Variants in DDX10 observed in about 807,000 individuals in gnomAD.
The protein encoded by DDX10 is probable ATP-dependent RNA helicase DDX10.
DDX10 carries 74 observed loss-of-function variants against 104.3 expected under a neutral mutation model. The observed-to-expected ratio is 0.71, with a 90% CI of 0.59 to 0.86. The LOEUF (loss-of-function observed/expected upper bound fraction) is 0.86, where lower values mean the gene tolerates loss of function less well. DDX10 is among the 40% of genes least tolerant of loss of function. The pLI is 0.00. For synonymous variants in DDX10, 351 were observed against 353.4 expected (o/e 0.99, Z 0.08); for missense variants, 952 against 1,040.0 (o/e 0.92, Z 1.16).
At chr11:108,806,381 T>C (rs1312276240) in intron 13 of DDX10, among the ~76,000 whole-genome samples, 1 of 152,218 alleles carries the variant, frequency 6.6e-6, no homozygotes, top group Non-Finnish European at 1.5e-5. Flanking sequence ...GAGAGTGTGG[T>C]GTGTATGGCG....
intron 14 of DDX10, among the ~76,000 whole-genome samples, chr11:108,840,671 C>T (rs1193019838): frequency 1.3e-5 from 2 of 152,146 alleles, no homozygotes; most frequent in Middle Eastern, 3.2e-3. Context: ...TTTGAGCAAG[C>T]CTGTGAAACC....
At chr11:108,813,254 A>G (rs1180314773) in intron 13 of DDX10, among the ~76,000 whole-genome samples, 2 of 152,154 alleles carry the variant, frequency 1.3e-5, no homozygotes, top group South Asian at 2.1e-4. Context: ...ATTTCTACTC[A>G]TAATATCTGA....
chr11:108,718,154 G>A (rs1591799973), intron 11 of DDX10, among the ~76,000 whole-genome samples: 1 of 149,748 alleles, frequency 6.7e-6, no homozygotes, highest in Non-Finnish European at 1.5e-5. Flanking sequence ...ACAGAGCGAG[G>A]CTCTGTCTCA....
chr11:108,887,754 A>G (rs544034714), intron 16 of DDX10, among the ~76,000 whole-genome samples: 27 of 152,134 alleles, frequency 1.8e-4, no homozygotes, highest in African/African-American at 6.3e-4. Context: ...CTCTCTACTA[A>G]AAATACAAAA....
At chr11:108,720,706 T>G (rs1031488634) in intron 12 of DDX10, among the ~76,000 whole-genome samples, 5 of 152,214 alleles carry the variant, frequency 3.3e-5, no homozygotes, top group Admixed American at 1.3e-4. Context: ...TCCTCTCATC[T>G]CAGCCTCCTG....
chr11:108,681,954 G>GT (rs1472069953), intron 6 of DDX10, among the ~76,000 whole-genome samples: 5 of 151,566 alleles, frequency 3.3e-5, no homozygotes, highest in African/African-American at 4.8e-5. Context: ...TTTTGGTTTG[G>GT]TTTTTTTGCC....
At chr11:108,859,916 C>T (rs924874723) in intron 16 of DDX10, among the ~76,000 whole-genome samples, 2 of 152,046 alleles carry the variant, frequency 1.3e-5, no homozygotes, top group Non-Finnish European at 2.9e-5. Flanking sequence ...ATTCTTTTGA[C>T]TGTTAGTAGT....
intron 7 of DDX10, 147 bp downstream of exon 7, chr11:108,689,209 G>A (rs922815355): frequency 1.8e-5 from 14 of 792,988 alleles, no homozygotes; most frequent in South Asian, 1.5e-4. Flanking sequence ...AAAGGAATCC[G>A]TGGCTGAGAC....
At chr11:108,905,312 A>AGG (rs35966996) in intron 16 of DDX10, among the ~76,000 whole-genome samples, 1,876 of 106,238 alleles carry the variant, frequency 0.018, 27 homozygotes, top group South Asian at 0.037. Context: ...AGATTGTTTA[A>AGG]GGGGGGGGGG....
At chr11:108,838,760 G>A (rs920966003) in intron 14 of DDX10, among the ~76,000 whole-genome samples, 195 bp downstream of exon 14, 6 of 152,202 alleles carry the variant, frequency 3.9e-5, no homozygotes, top group African/African-American at 1.2e-4. Context: ...CCAATAAGCC[G>A]AGATACTTCT....
At chr11:108,686,376 G>A (rs1268010967) in intron 6 of DDX10, among the ~76,000 whole-genome samples, 3 of 152,178 alleles carry the variant, frequency 2.0e-5, no homozygotes, top group Non-Finnish European at 4.4e-5. Flanking sequence ...TGCCCTGAAA[G>A]TCCTCTGTGC....
chr11:108,937,639 C>T (rs925039441), intron 17 of DDX10, among the ~76,000 whole-genome samples: 5 of 152,170 alleles, frequency 3.3e-5, no homozygotes, highest in Non-Finnish European at 5.9e-5. Context: ...TCCCTGTCAT[C>T]ATCTGTTCCG....
intron 13 of DDX10, among the ~76,000 whole-genome samples, chr11:108,759,429 G>A (rs939128832): frequency 1.3e-5 from 2 of 151,836 alleles, no homozygotes; most frequent in South Asian, 2.1e-4. Flanking sequence ...TTGAACTTAC[G>A]CTAACCATCG....
At chr11:108,787,619 C>G (rs1253590239) in intron 13 of DDX10, among the ~76,000 whole-genome samples, 1 of 151,996 alleles carries the variant, frequency 6.6e-6, no homozygotes. Context: ...TCAGCATGCT[C>G]TATTCTGCTG....
chr11:108,874,415 T>G lies in DDX10; in HGVS notation c.2304+22206T>G, dbSNP rs984513834. ...CAGATCCCAAGGCCTTTCAAGACAC[T>G]CAGAAGCTCATAATTCTGTTGATTA... On this transcript the variant is annotated intron_variant, in intron 16 of 17. Transcript: ENST00000322536. Among the ~76,000 whole-genome samples, 100 of 152,302 alleles carry G rather than the reference T, an allele frequency of 6.6e-4. 1 individual carries two copies. Among genetic ancestry groups the G allele is most frequent in the Non-Finnish European group, 2.4e-4 (16 of 68,028 alleles).
intron 13 of DDX10, among the ~76,000 whole-genome samples, chr11:108,817,685 G>A (rs1862273707): frequency 6.6e-6 from 1 of 152,156 alleles, no homozygotes; most frequent in Non-Finnish European, 1.5e-5. Context: ...TTTATTCTTT[G>A]TAGTTCGTAT....
chr11:108,709,478 C>T (rs1040243666), intron 10 of DDX10, among the ~76,000 whole-genome samples: 1 of 152,130 alleles, frequency 6.6e-6, no homozygotes, highest in Non-Finnish European at 1.5e-5. Flanking sequence ...AGATAGTAGC[C>T]TATTGAGAGT....
intron 1 of DDX10, among the ~76,000 whole-genome samples, chr11:108,669,096 CTT>C (rs569505369): frequency 7.9e-5 from 11 of 139,110 alleles, no homozygotes; most frequent in Admixed American, 1.5e-4. Context: ...TGGAGCTAAG[CTT>C]TTTTTTTTTT....
chr11:108,928,421 C>G (rs768218404), intron 17 of DDX10, among the ~76,000 whole-genome samples: 7 of 152,054 alleles, frequency 4.6e-5, no homozygotes, highest in Admixed American at 4.6e-4. Flanking sequence ...TTCTGTGAAC[C>G]GAGAGACTGA....
Sources: allele counts gnomAD v4.1 joint callset (sites outside exome capture counted in the v4.1 genomes callset), GRCh38; gene constraint gnomAD v4.1.1; transcripts MANE v1.5; gene names NCBI Gene and HGNC (gene_info 2026-07-23, HGNC 2026-07-21).